Variants in NETO1 observed in about 807,000 individuals in gnomAD.
NETO1 encodes neuropilin and tolloid like 1.
In NETO1, 26 loss-of-function variants were observed where a neutral mutation model predicts 61.3. That is an observed-to-expected ratio of 0.42 (90% CI 0.31 to 0.59). The LOEUF is 0.59. NETO1 is among the 20% of genes least tolerant of loss of function. NETO1 has a pLI of 0.12. For missense variants in NETO1, 531 were observed against 662.8 expected (o/e 0.80, Z 2.18); for synonymous variants, 225 against 225.8 (o/e 1.00, Z 0.03).
intron 4 of NETO1, among the ~76,000 whole-genome samples, chr18:72,833,070 G>A (rs2073631684): frequency 6.6e-6 from 1 of 152,198 alleles, no homozygotes; most frequent in Non-Finnish European, 1.5e-5. Flanking sequence ...TCTCCACACA[G>A]CTCTAACCTA....
intron 4 of NETO1, among the ~76,000 whole-genome samples, chr18:72,832,379 C>T (rs2073609443): frequency 6.6e-6 from 1 of 152,162 alleles, no homozygotes; most frequent in South Asian, 2.1e-4. Flanking sequence ...AGGTGCATTA[C>T]ACTCATAAAG....
intron 7 of NETO1, among the ~76,000 whole-genome samples, chr18:72,779,229 A>G (rs1177071169): frequency 2.0e-5 from 3 of 151,894 alleles, no homozygotes; most frequent in Admixed American, 1.3e-4. Flanking sequence ...ATATACATCT[A>G]TAAGGCACAT....
At chr18:72,827,665 G>T (rs2073424438) in intron 4 of NETO1, among the ~76,000 whole-genome samples, 1 of 150,672 alleles carries the variant, frequency 6.6e-6, no homozygotes, top group African/African-American at 2.4e-5. Context: ...GCAGTGAGCT[G>T]GGATCATGCC....
intron 6 of NETO1, among the ~76,000 whole-genome samples, chr18:72,790,495 T>C (rs376922723): frequency 6.6e-6 from 1 of 152,136 alleles, no homozygotes. Flanking sequence ...TCACTTATCA[T>C]AGATTCATTA....
chr18:72,834,991 A>G (rs2073698088), intron 4 of NETO1: 1 of 861,116 alleles, frequency 1.2e-6, no homozygotes, highest in Non-Finnish European at 1.4e-6. Context: ...ATAAAATATA[A>G]TATTATATTA....
intron 1 of NETO1, chr18:72,865,476 A>C: frequency 1.4e-6 from 2 of 1,412,274 alleles, no homozygotes; most frequent in Non-Finnish European, 2.0e-6. Flanking sequence ...CAAACTCCTA[A>C]GGCAAATACA....
At chr18:72,805,276 T>C (rs2072637841) in intron 4 of NETO1, among the ~76,000 whole-genome samples, 1 of 152,160 alleles carries the variant, frequency 6.6e-6, no homozygotes. Flanking sequence ...CTTCAAGAAT[T>C]TTCCTATAAT....
intron 4 of NETO1, among the ~76,000 whole-genome samples, chr18:72,796,427 A>G (rs1036036614): frequency 9.2e-5 from 14 of 152,226 alleles, no homozygotes; most frequent in African/African-American, 3.4e-4. Context: ...GAAAGTGTTA[A>G]TAAATTTTGA....
At chr18:72,794,025 G>A (rs2072227795) in intron 6 of NETO1, 92 bp downstream of exon 6, 2 of 1,513,476 alleles carry the variant, frequency 1.3e-6, no homozygotes, top group Non-Finnish European at 1.8e-6. Context: ...ACTCTGAAAT[G>A]TATTAGACAC....
chr18:72,785,211 T>C (rs185864507), intron 6 of NETO1, among the ~76,000 whole-genome samples: 1 of 149,818 alleles, frequency 6.7e-6, no homozygotes, highest in Non-Finnish European at 1.5e-5. Context: ...TATTTTTTTC[T>C]TATTTCGTAA....
chr18:72,865,303 A>C, intron 1 of NETO1, 62 bp from the exon 2 acceptor site: 3 of 1,332,660 alleles, frequency 2.3e-6, no homozygotes, highest in Non-Finnish European at 3.2e-6. Context: ...CCATAAAAAC[A>C]TAACATAATT....
rs977298100 is a variant in NETO1 at position 72,794,892 on chromosome 18, T to C, written c.470-488A>G. Among the ~76,000 whole-genome samples, 16 of 152,346 alleles carry C rather than the reference T, an allele frequency of 1.1e-4. No homozygotes were observed. In the East Asian group the frequency reaches 2.3e-3, roughly 22 times the overall value. ...AGTAACACAGTTTTTAACTAGAATA[T>C]TTGAAGCACAAATTAAGATGTAAAA... On this transcript the variant is annotated intron_variant, in intron 4 of 10. Transcript: ENST00000327305.
intron 8 of NETO1, among the ~76,000 whole-genome samples, chr18:72,755,506 G>GTA (rs2070753369): frequency 6.6e-6 from 1 of 152,074 alleles, no homozygotes; most frequent in Non-Finnish European, 1.5e-5. Flanking sequence ...AAGCCTTTGT[G>GTA]TATAGACAAG....
chr18:72,746,309 A>C lies in NETO1; in HGVS notation c.*1870T>G, dbSNP rs540150183. On this transcript the variant is annotated 3_prime_UTR_variant, in exon 11 of 11. Coordinates refer to ENST00000327305, the MANE Select transcript of NETO1 (RefSeq NM_138966.5). ...CCTTTAAAAAAATCTTTGGTGTATT[A>C]ATTTTAAATTAAAGGGCAAAAAAGG... Among the ~76,000 whole-genome samples the C allele has an allele frequency of 4.6e-5, 7 of 152,264 alleles. No homozygotes were observed. The highest frequency in any genetic ancestry group is 7.2e-5 in the African/African-American group (3 of 41,560).
chr18:72,764,896 T>C (rs938870517), intron 7 of NETO1, among the ~76,000 whole-genome samples: 1 of 152,128 alleles, frequency 6.6e-6, no homozygotes, highest in Non-Finnish European at 1.5e-5. Context: ...AGTGGCCATC[T>C]CTTGCATGGC....
intron 4 of NETO1, among the ~76,000 whole-genome samples, chr18:72,853,540 T>A (rs1452084858): frequency 1.3e-5 from 2 of 152,112 alleles, no homozygotes; most frequent in Non-Finnish European, 2.9e-5. Context: ...GGCGGATCAC[T>A]TGAGGCCAGG....
At chr18:72,786,564 T>C (rs2071924979) in intron 6 of NETO1, among the ~76,000 whole-genome samples, 1 of 152,046 alleles carries the variant, frequency 6.6e-6, no homozygotes, top group African/African-American at 2.4e-5. Flanking sequence ...GCTACAGCCT[T>C]ATGAGAGACA....
At chr18:72,834,526 T>C (rs1164044831) in intron 4 of NETO1, 2 of 960,486 alleles carry the variant, frequency 2.1e-6, no homozygotes, top group Non-Finnish European at 2.5e-6. Flanking sequence ...TGAATATTAA[T>C]TACTATATAT....
chr18:72,818,403 C>T (rs947355483), intron 4 of NETO1, among the ~76,000 whole-genome samples: 9 of 152,108 alleles, frequency 5.9e-5, no homozygotes, highest in Non-Finnish European at 1.2e-4. Context: ...ATTTAAGAAA[C>T]GCTACAAAGG....
Sources: allele counts gnomAD v4.1 joint callset (sites outside exome capture counted in the v4.1 genomes callset), GRCh38; gene constraint gnomAD v4.1.1; transcripts MANE v1.5; gene names NCBI Gene and HGNC (gene_info 2026-07-23, HGNC 2026-07-21).